The following ADI1 variants were observed in gnomAD, a reference collection of about 807,000 sequenced individuals.
ADI1 encodes the protein acireductone dioxygenase 1.
ADI1 carries 21 observed loss-of-function variants against 18.7 expected under a neutral mutation model. The observed-to-expected ratio is 1.13, with a 90% CI of 0.80 to 1.62. The LOEUF is 1.62. Among genes scored for constraint, ADI1 ranks in the 40% most tolerant of loss-of-function variants. The pLI is 0.00. For synonymous variants in ADI1, 90 were observed against 100.1 expected, an observed-to-expected ratio of 0.90 and a Z score of 0.60; for missense variants, 245 against 254.9, an observed-to-expected ratio of 0.96 and a Z score of 0.26.
At chr2:3,519,338 G>GC in intron 1 of ADI1, 30 bp downstream of exon 1, 1 of 1,390,904 alleles carries the variant, frequency 7.2e-7, no homozygotes, top group Non-Finnish European at 9.3e-7. Flanking sequence ...GGCGTCGCCC[G>GC]CACGCTCTGC....
chr2:3,504,878 G>A (rs1667140250), intron 2 of ADI1, among the ~76,000 whole-genome samples: 2 of 152,042 alleles, frequency 1.3e-5, no homozygotes, highest in Non-Finnish European at 2.9e-5. Flanking sequence ...TGTATTGTCG[G>A]TTCACCTGCG....
At chr2:3,514,917 T>C (rs1305619658) in intron 1 of ADI1, 4 of 1,521,634 alleles carry the variant, frequency 2.6e-6, no homozygotes, top group Non-Finnish European at 3.5e-6. Flanking sequence ...CATCTATCAG[T>C]TCTCAAATAA....
intron 1 of ADI1, among the ~76,000 whole-genome samples, chr2:3,514,303 CCT>C (rs1328085965): frequency 6.6e-6 from 1 of 152,180 alleles, no homozygotes; most frequent in African/African-American, 2.4e-5. Context: ...CTCACTGTGC[CCT>C]GTTTCTCTGC....
chr2:3,518,099 T>A (rs191532500), intron 1 of ADI1, among the ~76,000 whole-genome samples: 256 of 152,306 alleles, frequency 1.7e-3, no homozygotes, highest in Non-Finnish European at 2.7e-3. Flanking sequence ...TGGAAAACTA[T>A]AAACCACTTG....
At chr2:3,511,828 T>A (rs995950526) in intron 2 of ADI1, among the ~76,000 whole-genome samples, 1 of 152,212 alleles carries the variant, frequency 6.6e-6, no homozygotes, top group African/African-American at 2.4e-5. Context: ...AAGTCCAGGC[T>A]AATGAGGTCT....
rs180913814 is a variant in ADI1 at position 3,499,894 on chromosome 2, G to A, written c.421-812C>T. ...AGCCTGGCCAACATGGTGAAACCCC[G>A]TCTCTACTAAAAACACAAAAATTAG... is the stretch of plus-strand genomic sequence containing the variant. On this transcript the variant is annotated intron_variant, in intron 3 of 3. Transcript: ENST00000327435. Among the ~76,000 whole-genome samples, 15 of 152,094 alleles carry A rather than the reference G, an allele frequency of 9.9e-5. No individual in the cohort carries two copies. In the East Asian group the frequency reaches 1.4e-3, roughly 14 times the overall value.
At position 3,498,972 on chromosome 2, in the gene ADI1, C is replaced by T. The variant is rs1458794433; in HGVS notation, c.531G>A (p.Gln177=). 4 of 1,611,926 alleles carry T rather than the reference C, an allele frequency of 2.5e-6. No homozygotes were observed. Among genetic ancestry groups the T allele is most frequent in the Non-Finnish European group, 3.4e-6 (4 of 1,178,304 alleles). Residue 177 remains glutamine, a synonymous_variant, in exon 4 of 4, where the codon CAG becomes CAA. Coordinates refer to ENST00000327435, the MANE Select transcript of ADI1 (RefSeq NM_018269.4). ...ARGQYVKFLA[Q]TA is the part of the protein sequence containing the mutation. ...TTCCCAGGCAGCACTGCTAGGCGGT[C>T]TGTGCCAGAAATTTCACGTACTGCC...
At chr2:3,510,075 G>A (rs576584932) in intron 2 of ADI1, among the ~76,000 whole-genome samples, 9 of 151,622 alleles carry the variant, frequency 5.9e-5, no homozygotes, top group East Asian at 1.9e-4. Flanking sequence ...CCCAGGAGGC[G>A]GAGGTTGCGG....
At chr2:3,499,413 G>A (rs960364365) in intron 3 of ADI1, among the ~76,000 whole-genome samples, 4 of 152,102 alleles carry the variant, frequency 2.6e-5, no homozygotes, top group Non-Finnish European at 5.9e-5. Context: ...CCTCCTCTCC[G>A]CCTCATTTGG....
At chr2:3,506,170 C>T (rs1332740249) in intron 2 of ADI1, among the ~76,000 whole-genome samples, 1 of 152,176 alleles carries the variant, frequency 6.6e-6, no homozygotes, top group Non-Finnish European at 1.5e-5. Flanking sequence ...AGCCCAGAGG[C>T]ACAGGCTGAC....
chr2:3,503,556 C>A (rs572285483), intron 2 of ADI1, among the ~76,000 whole-genome samples: 1 of 152,228 alleles, frequency 6.6e-6, no homozygotes, highest in Admixed American at 6.5e-5. Context: ...CACTCACACA[C>A]GTGCATTCAC....
chr2:3,499,857 G>C (rs548561369), intron 3 of ADI1, among the ~76,000 whole-genome samples: 16 of 152,230 alleles, frequency 1.1e-4, no homozygotes, highest in Non-Finnish European at 1.9e-4. Context: ...CTGAGGTCAG[G>C]AGTTTGAGAC....
At chr2:3,504,036 A>C (rs1012008893) in intron 2 of ADI1, among the ~76,000 whole-genome samples, 3 of 152,222 alleles carry the variant, frequency 2.0e-5, no homozygotes, top group African/African-American at 7.2e-5. Context: ...TGAAAGTTTG[A>C]GGGGAAATGG....
chr2:3,514,763 C>T (rs1180499616), intron 1 of ADI1: 1 of 1,541,814 alleles, frequency 6.5e-7, no homozygotes, highest in East Asian at 2.5e-5. Flanking sequence ...ATCTAGCACA[C>T]TTTATGTTTT....
chr2:3,503,262 G>A (rs1269728650), intron 2 of ADI1, among the ~76,000 whole-genome samples: 3 of 135,434 alleles, frequency 2.2e-5, no homozygotes, highest in East Asian at 2.2e-4. Flanking sequence ...ATGCACACAC[G>A]TAACACTCAC....
intron 2 of ADI1, among the ~76,000 whole-genome samples, chr2:3,505,120 T>C (rs577444968): frequency 2.0e-5 from 3 of 152,306 alleles, no homozygotes; most frequent in African/African-American, 7.2e-5. Context: ...ATTGTCAGTT[T>C]ACCTGCGTAT....
intron 2 of ADI1, among the ~76,000 whole-genome samples, chr2:3,506,984 C>A (rs1667188762): frequency 6.6e-6 from 1 of 152,210 alleles, no homozygotes; most frequent in Non-Finnish European, 1.5e-5. Flanking sequence ...TTATATTACC[C>A]ATCTGTTCTT....
chr2:3,510,374 G>A (rs532247187), intron 2 of ADI1, among the ~76,000 whole-genome samples: 15 of 152,098 alleles, frequency 9.9e-5, no homozygotes, highest in Middle Eastern at 6.8e-3. Context: ...ACTCAAATCA[G>A]TGACTTCAGC....
intron 3 of ADI1, 28 bp from the exon 4 acceptor site, chr2:3,499,110 T>A (rs753387336): frequency 6.2e-7 from 1 of 1,606,264 alleles, no homozygotes; most frequent in East Asian, 2.2e-5. Flanking sequence ...ACACCCAGCA[T>A]CTCATTAAAC....
Sources: gnomAD v4.1 joint callset for allele counts (sites outside exome capture counted in the v4.1 genomes callset) on GRCh38, gnomAD v4.1.1 for gene constraint, MANE v1.5 for transcripts, NCBI Gene and HGNC (gene_info 2026-07-23, HGNC 2026-07-21) for gene names.